The following RBM33 variants were observed in gnomAD, a reference collection of about 807,000 sequenced individuals.
RBM33 encodes RNA binding motif protein 33, also known as RNA-binding protein 33.
A neutral mutation model predicts 132.6 loss-of-function variants in RBM33; 28 were observed. The ratio of observed to expected loss-of-function variants is 0.21; its 90% CI spans 0.16 to 0.29. The LOEUF (loss-of-function observed/expected upper bound fraction) is 0.29. RBM33 is among the 10% of genes least tolerant of loss of function. The pLI, the probability that RBM33 is intolerant of heterozygous loss-of-function variation, is 1.00. For missense variants in RBM33, 1,291 were observed against 1,518.5 expected (o/e 0.85, Z 2.49); for synonymous variants, 634 against 593.0 (o/e 1.07, Z -1.01).
chr7:155,761,568 T>C (rs1175826862), intron 14 of RBM33, among the ~76,000 whole-genome samples: 1 of 152,222 alleles, frequency 6.6e-6, no homozygotes. Flanking sequence ...AATTGTCTAG[T>C]GTGTTGATGT....
At chr7:155,706,122 A>C (rs906983993) in intron 6 of RBM33, among the ~76,000 whole-genome samples, 2 of 152,184 alleles carry the variant, frequency 1.3e-5, no homozygotes, top group African/African-American at 4.8e-5. Flanking sequence ...TAATAGCTCT[A>C]CTGGCTTCAG....
At chr7:155,655,126 T>A (rs556262787) in intron 1 of RBM33, among the ~76,000 whole-genome samples, 80 of 152,358 alleles carry the variant, frequency 5.3e-4, no homozygotes, top group Non-Finnish European at 7.5e-4. Context: ...ATAACTACCA[T>A]TGTAGCAGTT....
chr7:155,757,763 G>T (rs1005596077), intron 14 of RBM33, among the ~76,000 whole-genome samples: 10 of 151,994 alleles, frequency 6.6e-5, no homozygotes, highest in African/African-American at 2.4e-4. Flanking sequence ...GGCTTTACAG[G>T]AAGCATGGTG....
intron 5 of RBM33, among the ~76,000 whole-genome samples, chr7:155,692,634 T>C (rs747541830): frequency 6.6e-6 from 1 of 152,208 alleles, no homozygotes; most frequent in Non-Finnish European, 1.5e-5. Flanking sequence ...GTGATACAGA[T>C]AACATTGTCC....
intron 14 of RBM33, among the ~76,000 whole-genome samples, chr7:155,747,242 G>A (rs1366136824): frequency 1.3e-5 from 2 of 152,248 alleles, no homozygotes; most frequent in Non-Finnish European, 2.9e-5. Flanking sequence ...ACCTTTAGGT[G>A]AGAACTCAAG....
At chr7:155,711,167 T>C in intron 7 of RBM33, 36 bp from the exon 8 acceptor site, 1 of 1,472,170 alleles carries the variant, frequency 6.8e-7, no homozygotes, top group South Asian at 1.4e-5. Flanking sequence ...TTTTTGTGAT[T>C]TGTAGACTCA....
chr7:155,763,615 A>G (rs11769093), intron 14 of RBM33, among the ~76,000 whole-genome samples, 197 bp from the exon 15 acceptor site: 10,379 of 152,300 alleles, frequency 0.068, 566 homozygotes, highest in African/African-American at 0.15. Context: ...AATTTCAAAC[A>G]TATTGTTAGA....
At chr7:155,666,006 T>A (rs1181945408) in intron 2 of RBM33, among the ~76,000 whole-genome samples, 1 of 152,244 alleles carries the variant, frequency 6.6e-6, no homozygotes, top group Non-Finnish European at 1.5e-5. Flanking sequence ...TATAGAATAA[T>A]CTAACTTGAG....
intron 1 of RBM33, among the ~76,000 whole-genome samples, chr7:155,651,008 G>T (rs892523438): frequency 6.6e-6 from 1 of 152,146 alleles, no homozygotes; most frequent in Non-Finnish European, 1.5e-5. Flanking sequence ...CTCTCAAGTA[G>T]CTGGGATTAC....
At chr7:155,662,271 T>C (rs1798673368) in intron 1 of RBM33, among the ~76,000 whole-genome samples, 1 of 152,190 alleles carries the variant, frequency 6.6e-6, no homozygotes, top group Admixed American at 6.5e-5. Flanking sequence ...ATACTGTCCA[T>C]GGTTCGTGTT....
chr7:155,731,824 T>C (rs544016523), intron 9 of RBM33, among the ~76,000 whole-genome samples: 12 of 152,346 alleles, frequency 7.9e-5, no homozygotes, highest in African/African-American at 2.6e-4. Context: ...GATACAATCA[T>C]GGAACTTAGA....
intron 1 of RBM33, among the ~76,000 whole-genome samples, chr7:155,646,533 T>G (rs1235180392): frequency 6.6e-6 from 1 of 152,182 alleles, no homozygotes; most frequent in Non-Finnish European, 1.5e-5. Flanking sequence ...CCCACCAGCA[T>G]GTTGTGTGAT....
chr7:155,653,672 G>T (rs1484607778), intron 1 of RBM33, among the ~76,000 whole-genome samples: 1 of 152,212 alleles, frequency 6.6e-6, no homozygotes, highest in Admixed American at 6.5e-5. Context: ...ACCTCCTCGT[G>T]CTGGGAGGGT....
At position 155,742,015 on chromosome 7, in the gene RBM33, G is replaced by A. The variant is rs778463395; in HGVS notation, c.2246G>A (p.Gly749Asp). 1.2e-6 allele frequency: 2 copies of A among 1,613,888 alleles called. No individual in the cohort carries two copies. Among genetic ancestry groups the A allele is most frequent in the Admixed American group, 1.7e-5 (1 of 60,010 alleles). Reference sequence around the variant, plus strand: ...TCACCACCCTCGCGGGCCGTGGCGGGTTCCAGAAGCTCACAGGGAAAGACG... The same window carrying A: ...TCACCACCCTCGCGGGCCGTGGCGGATTCCAGAAGCTCACAGGGAAAGACG... ...SASPPSRAVA[G>D]SRSSQGKTEV... The change falls in exon 13 of 18, where the codon GGT becomes GAT. Residue 749 changes from glycine (G) to aspartate (D), a missense_variant. Coordinates refer to ENST00000401878, the MANE Select transcript of RBM33 (RefSeq NM_053043.3).
intron 7 of RBM33, among the ~76,000 whole-genome samples, chr7:155,708,366 A>G (rs1051369996): frequency 6.6e-6 from 1 of 152,216 alleles, no homozygotes; most frequent in Non-Finnish European, 1.5e-5. Flanking sequence ...CTCCGCCGCA[A>G]ACCTCCACTG....
intron 4 of RBM33, among the ~76,000 whole-genome samples, chr7:155,679,624 GTAACAGATTTTC>G (rs1428924358): frequency 5.3e-5 from 8 of 152,194 alleles, no homozygotes; most frequent in Non-Finnish European, 1.2e-4. Context: ...CCATGGATTT[GTAACAGATTTTC>G]TAACATAAAG....
intron 1 of RBM33, among the ~76,000 whole-genome samples, chr7:155,651,229 C>T (rs948372386): frequency 3.3e-5 from 5 of 151,956 alleles, no homozygotes; most frequent in African/African-American, 4.8e-5. Flanking sequence ...GATTGAGACT[C>T]CTGAGTCTGA....
At chr7:155,737,385 G>T in intron 9 of RBM33, 145 bp from the exon 10 acceptor site, 1 of 669,450 alleles carries the variant, frequency 1.5e-6, no homozygotes, top group Non-Finnish European at 2.4e-6. Flanking sequence ...GTGTGTGTGT[G>T]TAGAAAGAGA....
At chr7:155,709,510 T>C (rs1800214913) in intron 7 of RBM33, among the ~76,000 whole-genome samples, 1 of 152,318 alleles carries the variant, frequency 6.6e-6, no homozygotes, top group East Asian at 1.9e-4. Flanking sequence ...TCCAGCTCCA[T>C]TTTCTCCATC....
Sources: allele counts gnomAD v4.1 joint callset (sites outside exome capture counted in the v4.1 genomes callset), GRCh38; gene constraint gnomAD v4.1.1; transcripts MANE v1.5; gene names NCBI Gene and HGNC (gene_info 2026-07-23, HGNC 2026-07-21).